Variants in MAMSTR observed in about 807,000 individuals in gnomAD.
MAMSTR encodes MEF2-activating motif and SAP domain-containing transcriptional regulator.
A neutral mutation model predicts 42.7 loss-of-function variants in MAMSTR; 41 were observed. That is an observed-to-expected ratio of 0.96 (90% confidence interval 0.75 to 1.25). The LOEUF is 1.25. MAMSTR is among the 50% of genes most tolerant of loss of function. The pLI is 0.00. For missense variants in MAMSTR, 567 were observed against 557.6 expected, an observed-to-expected ratio of 1.02 and a Z score of -0.17; for synonymous variants, 265 against 244.1, an observed-to-expected ratio of 1.09 and a Z score of -0.80.
intron 5 of MAMSTR, 52 bp downstream of exon 5, chr19:48,715,210 A>T: frequency 6.7e-7 from 1 of 1,489,472 alleles, no homozygotes. Context: ...AGGGAGGAGG[A>T]TGCTGGGACC....
chr19:48,716,820 G>A, intron 2 of MAMSTR, 77 bp from the exon 3 acceptor site: 1 of 1,262,014 alleles, frequency 7.9e-7, no homozygotes, highest in Non-Finnish European at 1.0e-6. Flanking sequence ...AGGCTGGTGG[G>A]AGCTGCAGTT....
intron 9 of MAMSTR, 64 bp from the exon 10 acceptor site, chr19:48,713,614 C>T (rs1015799070): frequency 1.2e-6 from 2 of 1,600,510 alleles, no homozygotes; most frequent in Admixed American, 1.7e-5. Context: ...GCCCCCCATA[C>T]CCCATTTCCA....
downstream of MAMSTR, among the ~76,000 whole-genome samples, chr19:48,707,881 AAGAAAG>A (rs1176038918): frequency 2.7e-5 from 3 of 111,600 alleles, no homozygotes; most frequent in Admixed American, 8.4e-5. Flanking sequence ...GAAAGAAAGA[AAGAAAG>A]AAAAGAAAGA....
At position 48,714,379 on chromosome 19, in the gene MAMSTR, C is replaced by G. The variant is rs1253559729; in HGVS notation, c.710G>C (p.Arg237Pro). Reference sequence around the variant, plus strand: ...CCCCGCCCTCACCGAGCCCTGACGCCGGGCGGCTGCCAGGGCCTTGGGCTT... The same window carrying G: ...CCCCGCCCTCACCGAGCCCTGACGCGGGGCGGCTGCCAGGGCCTTGGGCTT... ...RLKPKALAAA[R>P]RQGSVKPSAA... Residue 237 changes from arginine (R) to proline (P), a missense_variant, in exon 7 of 10, where the codon CGG (arginine) becomes CCG (proline). Transcript: ENST00000318083. 9 of 1,364,124 alleles carry G rather than the reference C, an allele frequency of 6.6e-6. No homozygotes were observed. Among genetic ancestry groups the G allele is most frequent in the Non-Finnish European group, 8.4e-6 (9 of 1,065,682 alleles). 84.5% of individuals were successfully genotyped at this position (1,364,124 alleles called of 1,614,324 possible).
intron 3 of MAMSTR, 144 bp from the exon 4 acceptor site, chr19:48,715,911 A>G: frequency 6.9e-7 from 1 of 1,440,302 alleles, no homozygotes; most frequent in South Asian, 1.5e-5. Flanking sequence ...GGGCGCCTGA[A>G]CTGGATCTGA....
downstream of MAMSTR, among the ~76,000 whole-genome samples, chr19:48,710,821 T>A (rs2032712499): frequency 6.6e-6 from 1 of 151,774 alleles, no homozygotes; most frequent in Non-Finnish European, 1.5e-5. Context: ...ACTCCTGACC[T>A]CATGATCCAC....
chr19:48,718,293 C>G (rs1222157282), intron 2 of MAMSTR, among the ~76,000 whole-genome samples: 1 of 152,078 alleles, frequency 6.6e-6, no homozygotes, highest in Non-Finnish European at 1.5e-5. Flanking sequence ...TTGTACCCAT[C>G]CAACCACATA....
At position 48,715,777 on chromosome 19, in the gene MAMSTR, CGGTG is replaced by C; in HGVS notation, c.98-14_98-11del. 1.3e-6 allele frequency: 2 copies of C among 1,535,278 alleles called. No homozygotes were observed. Among genetic ancestry groups the C allele is most frequent in the Non-Finnish European group, 1.7e-6 (2 of 1,142,918 alleles). ...GGGTCCGGATCCGAGACTGGAGAGA[CGGTG>C]AAGGACCCTGAGAGGCCTGCAGGCA... On this transcript the variant is annotated splice_polypyrimidine_tract_variant and intron_variant, in intron 3 of 9. Transcript: ENST00000318083.
chr19:48,715,721 G>A lies in MAMSTR; in HGVS notation c.144C>T (p.Ala48=). The A allele has an allele frequency of 6.5e-7, 1 of 1,542,536 alleles. No individual in the cohort carries two copies. The highest frequency in any genetic ancestry group is 2.5e-5 in the East Asian group (1 of 40,582). The part of the protein sequence containing the change: ...PWISASDPPL[A]PALPSGTAPF... ...GGGCCGTGCCCGAGGGCAAGGCCGG[G>A]GCCAGAGGAGGGTCTGAGGCTGAGA... The change falls in exon 4 of 10, where the codon GCC becomes GCT. Residue 48 remains alanine, a synonymous_variant. Transcript: ENST00000318083.
At chr19:48,717,957 G>C (rs56379390) in intron 2 of MAMSTR, among the ~76,000 whole-genome samples, 1 of 151,944 alleles carries the variant, frequency 6.6e-6, no homozygotes, top group Non-Finnish European at 1.5e-5. Context: ...CGCCCGCCTT[G>C]GCCTCCCAAA....
In MAMSTR at chr19:48,715,674, AC is replaced by A; in HGVS notation, c.190del (p.Val64SerfsTer35). On this transcript the variant is annotated frameshift_variant, in exon 4 of 10. Transcript: ENST00000318083. LOFTEE classifies it high-confidence loss of function. ...GTAPFLFSPG[V>X]LLPEPEYCPP... The stretch of plus-strand genomic sequence containing the variant: ...ACAATATTCTGGCTCGGGGAGCAGG[AC>A]CCCAGGGCTGAAGAGGAAAGGGGCC... The A allele has an allele frequency of 6.5e-7, 1 of 1,541,552 alleles. No homozygotes were observed. Among genetic ancestry groups the A allele is most frequent in the Non-Finnish European group, 8.7e-7 (1 of 1,144,448 alleles).
chr19:48,707,900 G>GA (rs2032676475), downstream of MAMSTR, among the ~76,000 whole-genome samples: 1 of 136,532 alleles, frequency 7.3e-6, no homozygotes, highest in South Asian at 2.3e-4. Flanking sequence ...AAGAAAGAAA[G>GA]AAAGGAAGAA....
chr19:48,709,521 C>T (rs75207927), downstream of MAMSTR, among the ~76,000 whole-genome samples: 1 of 152,356 alleles, frequency 6.6e-6, no homozygotes, highest in Non-Finnish European at 1.5e-5. Context: ...TTCCTCTTGC[C>T]AGTTCTGTGC....
downstream of MAMSTR, among the ~76,000 whole-genome samples, chr19:48,709,868 AT>A (rs1313975139): frequency 1.3e-5 from 2 of 151,890 alleles, no homozygotes; most frequent in Non-Finnish European, 2.9e-5. Context: ...TGTTTTGTTT[AT>A]TTTTATTATT....
rs577751012 is a variant in MAMSTR at position 48,713,085 on chromosome 19, G to A, written c.*182C>T. 2.5e-5 allele frequency: 14 copies of A among 565,238 alleles called. No homozygotes were observed. The highest frequency in any genetic ancestry group is 3.9e-5 in the Non-Finnish European group (13 of 335,192). The allele number at this position is 565,238 out of a possible 1,614,324, so 35.0% of individuals were successfully genotyped here. On this transcript the variant is annotated 3_prime_UTR_variant, in exon 10 of 10. Coordinates refer to ENST00000318083, the MANE Select transcript of MAMSTR (RefSeq NM_001130915.2). ...CACGCCGGAGGGGGATCATAAGGAG[G>A]CCAGGTAGGCAAAGTTAAGGCAGTT...
At chr19:48,715,168 C>A in intron 5 of MAMSTR, 94 bp downstream of exon 5, 1 of 1,219,120 alleles carries the variant, frequency 8.2e-7, no homozygotes, top group Admixed American at 2.2e-5. Context: ...GGGTTGGGGG[C>A]CCCAATCCCC....
chr19:48,713,407 T>C lies in MAMSTR; in HGVS notation c.1108A>G (p.Thr370Ala). The C allele has an allele frequency of 6.2e-7, 1 of 1,612,686 alleles. No individual in the cohort carries two copies. Among genetic ancestry groups the C allele is most frequent in the Non-Finnish European group, 8.5e-7 (1 of 1,179,618 alleles). ...GCCTCCAGCCAGTCCAGGGAGTCCG[T>C]GGGGTCCCTGGGAGAAGGGGAGGAG... ...NSSSPSPRDP[T>A]DSLDWLEALS... Residue 370 changes from threonine to alanine, a missense_variant, in exon 10 of 10, where the codon ACG becomes GCG. Physicochemically the swap from Thr to Ala is moderately conservative, Grantham distance 58. Transcript: ENST00000318083.
At chr19:48,711,714 A>G, downstream of MAMSTR, among the ~76,000 whole-genome samples, 1 of 138,438 alleles carries the variant, frequency 7.2e-6, no homozygotes, top group East Asian at 2.1e-4. Context: ...CTGGGATTAC[A>G]GGCTCCCACC....
downstream of MAMSTR, among the ~76,000 whole-genome samples, chr19:48,709,116 C>G (rs1314566308): frequency 6.6e-6 from 1 of 152,046 alleles, no homozygotes; most frequent in South Asian, 2.1e-4. Flanking sequence ...ATAGTGAAAC[C>G]CTGTCTCTAT....
Sources: allele counts gnomAD v4.1 joint callset (sites outside exome capture counted in the v4.1 genomes callset), GRCh38; gene constraint gnomAD v4.1.1; transcripts MANE v1.5; gene names NCBI Gene and HGNC (gene_info 2026-07-23, HGNC 2026-07-21).